The following NVL variants were observed in gnomAD, a reference collection of about 807,000 sequenced individuals.
The protein encoded by NVL is nuclear VCP like, also known as nuclear valosin-containing protein-like.
A neutral mutation model predicts 110.2 loss-of-function variants in NVL; 84 were observed. That is an observed-to-expected ratio of 0.76 (90% confidence interval 0.64 to 0.91). NVL has a LOEUF of 0.91. NVL is among the 40% of genes least tolerant of loss of function. The pLI, the probability that NVL is intolerant of heterozygous loss-of-function variation, is 0.00. For missense variants in NVL, 882 were observed against 1,035.9 expected (o/e 0.85, Z 2.04); for synonymous variants, 354 against 361.1 (o/e 0.98, Z 0.22).
intron 18 of NVL, among the ~76,000 whole-genome samples, chr1:224,261,831 C>T (rs1225148163): frequency 2.0e-5 from 3 of 151,124 alleles, no homozygotes; most frequent in East Asian, 1.9e-4. Context: ...TGTAGTGGTG[C>T]GTGCCTGTAG....
intron 19 of NVL, 146 bp from the exon 20 acceptor site, chr1:224,236,728 T>C (rs953875224): frequency 1.2e-5 from 7 of 604,316 alleles, no homozygotes; most frequent in East Asian, 3.1e-5. Context: ...CTGTGGAACA[T>C]GGTAAAACCC....
intron 18 of NVL, among the ~76,000 whole-genome samples, chr1:224,253,791 T>C (rs901379946): frequency 6.6e-6 from 1 of 151,854 alleles, no homozygotes; most frequent in Non-Finnish European, 1.5e-5. Context: ...CCAAACTACT[T>C]GTACCATTAC....
chr1:224,315,060 T>A (rs1669937306), intron 4 of NVL, among the ~76,000 whole-genome samples: 1 of 144,766 alleles, frequency 6.9e-6, no homozygotes, highest in African/African-American at 2.5e-5. Flanking sequence ...TCTGTTTCTT[T>A]TTTTTTTTTT....
At chr1:224,286,405 C>T (rs1227535843) in intron 14 of NVL, among the ~76,000 whole-genome samples, 1 of 152,024 alleles carries the variant, frequency 6.6e-6, no homozygotes, top group African/African-American at 2.4e-5. Flanking sequence ...GGGGTTTCAC[C>T]ATGTTGGCCA....
intron 19 of NVL, among the ~76,000 whole-genome samples, chr1:224,237,959 TTCAAAAAAAAAAAA>T (rs1660692165): frequency 1.2e-5 from 1 of 83,388 alleles, no homozygotes; most frequent in Non-Finnish European, 2.5e-5. Context: ...GAGACTTGGT[TTCAAAAAAAAAAAA>T]AAAAAAAAAA....
At chr1:224,278,281 G>C (rs1008255099) in intron 16 of NVL, among the ~76,000 whole-genome samples, 1 of 147,062 alleles carries the variant, frequency 6.8e-6, no homozygotes, top group Non-Finnish European at 1.5e-5. Flanking sequence ...GCCCAGGCTG[G>C]AGTGCAGTGG....
At chr1:224,292,874 C>T (rs1323515581) in intron 12 of NVL, among the ~76,000 whole-genome samples, 1 of 151,978 alleles carries the variant, frequency 6.6e-6, no homozygotes, top group Admixed American at 6.6e-5. Flanking sequence ...CCTCAGTTTC[C>T]TAAGTAGCTG....
In NVL at chr1:224,227,562, G is replaced by A. The variant is rs1571732376; in HGVS notation, c.*64C>T. ...TGTCCAGCTGAAAGTGGGTCCTTCA[G>A]AGCGTGTGGGGGATTCTCTGCCGGC... On this transcript the variant is annotated 3_prime_UTR_variant, in exon 23 of 23. Transcript: ENST00000281701. 7 of 1,491,608 alleles carry A rather than the reference G, an allele frequency of 4.7e-6. No individual in the cohort carries two copies. Among genetic ancestry groups the A allele is most frequent in the Non-Finnish European group, 6.5e-6 (7 of 1,083,592 alleles). The allele number at this position is 1,491,608 out of a possible 1,614,324, so 92.4% of individuals were successfully genotyped here. A position where few individuals can be genotyped will look rare whatever the true frequency, so the allele number is the denominator to read the frequency against.
At chr1:224,256,728 GA>G (rs759526511) in intron 18 of NVL, among the ~76,000 whole-genome samples, 4 of 152,136 alleles carry the variant, frequency 2.6e-5, no homozygotes, top group Non-Finnish European at 5.9e-5. Flanking sequence ...TACATCATTA[GA>G]AATGAGATGC....
At chr1:224,298,595 G>A (rs1466107120) in intron 10 of NVL, 2 of 217,446 alleles carry the variant, frequency 9.2e-6, no homozygotes, top group South Asian at 1.7e-4. Context: ...TGAATTCATG[G>A]CATAATAGGT....
chr1:224,328,505 T>A (rs1671366285), intron 1 of NVL, among the ~76,000 whole-genome samples: 1 of 151,140 alleles, frequency 6.6e-6, no homozygotes. Flanking sequence ...CTGGCTGCTC[T>A]GTGGGGAATA....
chr1:224,306,534 G>A (rs976067093), intron 6 of NVL, among the ~76,000 whole-genome samples: 2 of 152,140 alleles, frequency 1.3e-5, no homozygotes, highest in African/African-American at 4.8e-5. Flanking sequence ...CCAAAGTGCT[G>A]GGAATACAGG....
chr1:224,281,278 T>C, intron 15 of NVL, 93 bp from the exon 16 acceptor site: 1 of 777,452 alleles, frequency 1.3e-6, no homozygotes, highest in Non-Finnish European at 2.0e-6. Flanking sequence ...GAAAGGACTC[T>C]GTGTGCGTGT....
Position 224,305,008 on chromosome 1 carries a change from T to C in NVL, c.748+26A>G, listed in dbSNP as rs747380944. On this transcript the variant is annotated intron_variant, in intron 7 of 22. Coordinates refer to ENST00000281701, the MANE Select transcript of NVL (RefSeq NM_002533.4). The stretch of plus-strand genomic sequence containing the variant: ...CTTCTCTCACTGCAAACATGACCAC[T>C]GCCACCAACAAGACTCACACCTTAC... 4.9e-5 allele frequency: 79 copies of C among 1,609,414 alleles called. No individual in the cohort carries two copies. In the East Asian group the frequency reaches 1.2e-3, roughly 25 times the overall value.
At position 224,287,827 on chromosome 1, in the gene NVL, G is replaced by T; in HGVS notation, c.1742C>A (p.Ala581Glu). The change falls in exon 14 of 23, where the codon GCA becomes GAA. Residue 581 changes from alanine to glutamate, a missense_variant. Coordinates refer to ENST00000281701, the MANE Select transcript of NVL (RefSeq NM_002533.4). ...GFVTVPNVTW[A>E]DIGALEDIRE... ...AATGTCTTCCAGGGCACCAATATCT[G>T]CCCATGTCACATTAGGGACAGTGAC... is the stretch of plus-strand genomic sequence containing the variant. 6.2e-7 allele frequency: 1 copy of T among 1,614,094 alleles called. No individual in the cohort carries two copies. Among genetic ancestry groups the T allele is most frequent in the Non-Finnish European group, 8.5e-7 (1 of 1,179,978 alleles).
intron 9 of NVL, chr1:224,301,863 T>C (rs1668454471): frequency 6.1e-6 from 1 of 163,370 alleles, no homozygotes; most frequent in African/African-American, 2.4e-5. Context: ...TGTGCTTATC[T>C]TGAAATTTCA....
chr1:224,245,681 C>CA (rs1327593219), intron 19 of NVL, among the ~76,000 whole-genome samples: 2 of 152,108 alleles, frequency 1.3e-5, no homozygotes, highest in African/African-American at 4.8e-5. Context: ...TTTGGCCCAG[C>CA]ATGGTGGCTC....
At chr1:224,235,728 T>C (rs1202197131) in intron 20 of NVL, among the ~76,000 whole-genome samples, 1 of 152,010 alleles carries the variant, frequency 6.6e-6, no homozygotes, top group Admixed American at 6.6e-5. Flanking sequence ...CAGGAGTTCA[T>C]GACAAGACTG....
At chr1:224,282,336 C>T (rs991414944) in intron 15 of NVL, among the ~76,000 whole-genome samples, 2 of 152,066 alleles carry the variant, frequency 1.3e-5, no homozygotes, top group African/African-American at 4.8e-5. Context: ...GGAAATGACA[C>T]AAAATATTTA....
Sources: allele counts gnomAD v4.1 joint callset (sites outside exome capture counted in the v4.1 genomes callset), GRCh38; gene constraint gnomAD v4.1.1; transcripts MANE v1.5; gene names NCBI Gene and HGNC (gene_info 2026-07-23, HGNC 2026-07-21).